ADGRL2: variants seen among roughly 807,000 people sequenced by gnomAD.
The protein encoded by ADGRL2 is adhesion G protein-coupled receptor L2.
A neutral mutation model predicts 157.4 loss-of-function variants in ADGRL2; 44 were observed. That is an observed-to-expected ratio of 0.28 (90% confidence interval 0.22 to 0.36). The LOEUF (loss-of-function observed/expected upper bound fraction) is 0.36. Among genes scored for constraint, ADGRL2 ranks in the 10% least tolerant of loss-of-function variants. The probability of loss-of-function intolerance (pLI) is 1.00; values close to 1 mark genes in which losing one functional copy is unlikely to be tolerated. For missense variants in ADGRL2, 1,510 were observed against 1,768.9 expected (o/e 0.85, Z 2.63); for synonymous variants, 585 against 624.7 (o/e 0.94, Z 0.95).
intron 3 of ADGRL2, among the ~76,000 whole-genome samples, chr1:81,679,241 G>GT (rs2148947195): frequency 6.6e-6 from 1 of 152,252 alleles, no homozygotes; most frequent in East Asian, 1.9e-4. Flanking sequence ...GGGGAATAGG[G>GT]TAGGAGGTCA....
Position 81,347,217 on chromosome 1 carries a change from G to T in ADGRL2, c.-302+40708G>T, listed in dbSNP as rs116325085. Among the ~76,000 whole-genome samples the T allele has an allele frequency of 8.7e-3, 1,316 of 152,098 alleles. 16 individuals carry two copies. Among genetic ancestry groups the T allele is most frequent in the African/African-American group, 0.03 (1,256 of 41,466 alleles). On this transcript the variant is annotated intron_variant, in intron 1 of 24. Coordinates refer to the ADGRL2 transcript ENST00000370721. The stretch of plus-strand genomic sequence containing the variant: ...AGTTTGAGACCAGCCTGTCCAACGT[G>T]GCAAAACGCTGTCTCTACTAAAAAA...
intron 3 of ADGRL2, among the ~76,000 whole-genome samples, chr1:81,687,330 G>A (rs1570835326): frequency 6.6e-6 from 1 of 152,086 alleles, no homozygotes; most frequent in African/African-American, 2.4e-5. Flanking sequence ...ACTAGTATTA[G>A]GTGCATATAT....
chr1:81,978,708 A>C (rs546926323), intron 17 of ADGRL2, among the ~76,000 whole-genome samples: 2 of 151,878 alleles, frequency 1.3e-5, no homozygotes, highest in South Asian at 4.1e-4. Context: ...ATAAAGTCAG[A>C]AGTAGTGAAA....
At chr1:81,912,099 TCTCA>T (rs1405963193) in intron 3 of ADGRL2, among the ~76,000 whole-genome samples, 1 of 151,748 alleles carries the variant, frequency 6.6e-6, no homozygotes, top group African/African-American at 2.4e-5. Flanking sequence ...TGAGATAGGG[TCTCA>T]CTCCCTTGCC....
chr1:81,549,648 A>G lies in ADGRL2; in HGVS notation c.-247-31228A>G, dbSNP rs1385379685. ...CACCATTGAGAAGAACCTAGCCACC[A>G]GTGGTTTTAGGAGAGAGCTAAGGGA... is the stretch of plus-strand genomic sequence containing the variant. On this transcript the variant is annotated intron_variant, in intron 2 of 24. Coordinates refer to the ADGRL2 transcript ENST00000370721. Among the ~76,000 whole-genome samples, 3 of 152,334 alleles carry G rather than the reference A, an allele frequency of 2.0e-5. No individual in the cohort carries two copies. The East Asian group carries it at 5.8e-4, about 29-fold the overall frequency.
intron 3 of ADGRL2, among the ~76,000 whole-genome samples, chr1:81,601,915 A>C (rs1373678141): frequency 6.6e-6 from 1 of 152,202 alleles, no homozygotes; most frequent in Non-Finnish European, 1.5e-5. Context: ...TGAAAGAAAA[A>C]GGAAGGCAGA....
intron 2 of ADGRL2, among the ~76,000 whole-genome samples, chr1:81,842,594 GATCCACCC>G (rs899136654): frequency 6.6e-6 from 1 of 151,706 alleles, no homozygotes; most frequent in Non-Finnish European, 1.5e-5. Flanking sequence ...TTGACCTTGT[GATCCACCC>G]ACCTTGGCCT....
At chr1:81,537,683 C>CT (rs908607109) in intron 2 of ADGRL2, among the ~76,000 whole-genome samples, 1 of 151,212 alleles carries the variant, frequency 6.6e-6, no homozygotes, top group African/African-American at 2.4e-5. Context: ...TCTTCTTTTT[C>CT]TTTTTTTTCT....
chr1:81,747,787 A>G (rs1308525623), intron 1 of ADGRL2, among the ~76,000 whole-genome samples: 1 of 151,876 alleles, frequency 6.6e-6, no homozygotes, highest in Admixed American at 6.6e-5. Flanking sequence ...ATGTGTAGAA[A>G]CACATAAGAC....
chr1:81,552,979 CTAAT>C (rs1214083498), intron 2 of ADGRL2, among the ~76,000 whole-genome samples: 2 of 152,090 alleles, frequency 1.3e-5, no homozygotes, highest in Non-Finnish European at 2.9e-5. Context: ...TCTTGAGAAA[CTAAT>C]TGATAATAGG....
At chr1:81,667,315 C>T (rs2082771564) in intron 3 of ADGRL2, among the ~76,000 whole-genome samples, 1 of 152,184 alleles carries the variant, frequency 6.6e-6, no homozygotes, top group South Asian at 2.1e-4. Context: ...TTCAAAAGCA[C>T]AGTCATTAAA....
In ADGRL2 at chr1:81,501,910, C is replaced by G. The variant is rs867490281; in HGVS notation, c.-248+56821C>G. The G allele has an allele frequency of 2.5e-5, 41 of 1,613,194 alleles. No homozygotes were observed. In the Middle Eastern group the frequency reaches 8.2e-4, roughly 32 times the overall value. On this transcript the variant is annotated intron_variant, in intron 2 of 24. Transcript: ENST00000370721. ...TGAGAGAAGCCCAGTTCTTGTATGC[C>G]CAAAAGCTGGTCACGCAGCCGACTC... is the stretch of plus-strand genomic sequence containing the variant.
chr1:81,550,844 C>A (rs1440970266), intron 2 of ADGRL2, among the ~76,000 whole-genome samples: 2 of 150,520 alleles, frequency 1.3e-5, no homozygotes, highest in African/African-American at 4.9e-5. Context: ...AAAAAAAATT[C>A]ATTACTGCCT....
At chr1:81,964,840 T>C (rs1209109910) in intron 11 of ADGRL2, among the ~76,000 whole-genome samples, 3 of 152,094 alleles carry the variant, frequency 2.0e-5, no homozygotes, top group African/African-American at 7.2e-5. Flanking sequence ...ATATCAGAAA[T>C]TAATGAATTT....
At chr1:81,897,202 A>T (rs1047739034) in intron 2 of ADGRL2, among the ~76,000 whole-genome samples, 2 of 152,212 alleles carry the variant, frequency 1.3e-5, no homozygotes, top group African/African-American at 4.8e-5. Flanking sequence ...CCTAACAGAA[A>T]AATGAGTGGA....
intron 3 of ADGRL2, among the ~76,000 whole-genome samples, chr1:81,932,150 T>C (rs2095242556): frequency 6.6e-6 from 1 of 152,224 alleles, no homozygotes; most frequent in African/African-American, 2.4e-5. Context: ...AATGACATAC[T>C]TCTGTAGAAC....
intron 1 of ADGRL2, among the ~76,000 whole-genome samples, chr1:81,802,992 C>T (rs1330714277): frequency 6.6e-6 from 1 of 151,968 alleles, no homozygotes; most frequent in Non-Finnish European, 1.5e-5. Context: ...GGGGACCCGG[C>T]GGGCCACGGG....
intron 18 of ADGRL2, among the ~76,000 whole-genome samples, chr1:81,981,523 A>G (rs533892794): frequency 6.6e-6 from 1 of 152,074 alleles, no homozygotes; most frequent in African/African-American, 2.4e-5. Context: ...ATAAAAGACA[A>G]AGTCATAGGG....
At chr1:81,771,880 G>A (rs2086384597) in intron 2 of ADGRL2, among the ~76,000 whole-genome samples, 1 of 152,174 alleles carries the variant, frequency 6.6e-6, no homozygotes, top group African/African-American at 2.4e-5. Flanking sequence ...TCAAACTTTG[G>A]AATTCTTTCA....
Sources: gnomAD v4.1 joint callset for allele counts (sites outside exome capture counted in the v4.1 genomes callset) on GRCh38, gnomAD v4.1.1 for gene constraint, MANE v1.5 for transcripts, NCBI Gene and HGNC (gene_info 2026-07-23, HGNC 2026-07-21) for gene names.